The following ZNF112 variants were observed in gnomAD, a reference collection of about 807,000 sequenced individuals.
ZNF112 encodes zinc finger protein 112.
In ZNF112, 37 loss-of-function variants were observed where a neutral mutation model predicts 77.7. That is an observed-to-expected ratio of 0.48 (90% CI 0.37 to 0.63). The LOEUF (loss-of-function observed/expected upper bound fraction) is 0.63, where lower values mean the gene tolerates loss of function less well. Among genes scored for constraint, ZNF112 ranks in the 20% least tolerant of loss-of-function variants. ZNF112 has a pLI of 0.00. For synonymous variants in ZNF112, 333 were observed against 363.6 expected (o/e 0.92, Z 0.96); for missense variants, 950 against 1,077.4 (o/e 0.88, Z 1.66).
At chr19:44,354,696 C>T (rs151067085) in intron 1 of ZNF112, among the ~76,000 whole-genome samples, 3 of 152,240 alleles carry the variant, frequency 2.0e-5, no homozygotes, top group Non-Finnish European at 2.9e-5. Flanking sequence ...CAACCTTGTA[C>T]GATGTGCTGG....
chr19:44,329,039 C>T lies in ZNF112; in HGVS notation c.1118G>A (p.Arg373Lys), dbSNP rs1191701949. ...SHSLDLNSIFRVHTRDEPHEY... is the reference protein window; with the variant it reads ...SHSLDLNSIFKVHTRDEPHEY... Reference sequence around the variant, plus strand: ...ATGGGGTTCATCCCTAGTATGGACCCTAAAAATACTATTAAGGTCTAAGCT... The same window carrying T: ...ATGGGGTTCATCCCTAGTATGGACCTTAAAAATACTATTAAGGTCTAAGCT... Residue 373 changes from arginine to lysine, a missense_variant, in exon 4 of 4, where the codon AGG (arginine) becomes AAG (lysine). This residue lies in a region of ZNF112 where 560 missense variants were observed against 557.3 expected (regional missense o/e 1.00). Transcript: ENST00000354340. 1.2e-6 allele frequency: 2 copies of T among 1,613,722 alleles called. No individual in the cohort carries two copies. The highest frequency in any genetic ancestry group is 1.7e-6 in the Non-Finnish European group (2 of 1,179,964).
chr19:44,338,179 T>C (rs1160059278), intron 2 of ZNF112, among the ~76,000 whole-genome samples: 2 of 152,056 alleles, frequency 1.3e-5, no homozygotes, highest in Non-Finnish European at 2.9e-5. Context: ...ACTATAAACC[T>C]TTAAAAAATT....
chr19:44,352,130 G>A (rs1005845810), intron 1 of ZNF112, among the ~76,000 whole-genome samples: 2 of 152,056 alleles, frequency 1.3e-5, no homozygotes, highest in Non-Finnish European at 2.9e-5. Flanking sequence ...GTTTCTGGGC[G>A]ATGGAACTGT....
At chr19:44,355,882 G>T (rs1970777643) in intron 1 of ZNF112, among the ~76,000 whole-genome samples, 1 of 152,194 alleles carries the variant, frequency 6.6e-6, no homozygotes, top group Non-Finnish European at 1.5e-5. Context: ...GAAAAGAAAG[G>T]ATGATAAGTA....
At chr19:44,359,312 GTTCTTTTTTTT>G (rs1172775517), upstream of ZNF112, among the ~76,000 whole-genome samples, 4 of 101,492 alleles carry the variant, frequency 3.9e-5, no homozygotes, top group African/African-American at 1.6e-4. Context: ...ATATATTAGA[GTTCTTTTTTTT>G]TTTTTTTTTT....
At chr19:44,350,023 A>C (rs1336935609) in intron 1 of ZNF112, among the ~76,000 whole-genome samples, 2 of 152,140 alleles carry the variant, frequency 1.3e-5, no homozygotes, top group East Asian at 3.8e-4. Flanking sequence ...GAACAACCAC[A>C]GGTGAAAATA....
rs748961535 is a variant in ZNF112, at chr19:44,329,169, A to C, written c.988T>G (p.Tyr330Asp). ...GAACAGTGATTGAAGTTCTCACCAT[A>C]TTCACCACATTTGCATGGTTTCTCC... ...TEEKPCKCGE[Y>D]GENFNHCSPL... The change falls in exon 4 of 4, where the codon TAT (tyrosine) becomes GAT (aspartate). Residue 330 changes from tyrosine to aspartate, a missense_variant. Tyr to Asp is a radical substitution (Grantham distance 160). Around this residue, in one of 3 missense-constraint regions of ZNF112, gnomAD observed 560 missense variants for 557.3 expected, o/e 1.00. Transcript: ENST00000354340. The C allele has an allele frequency of 6.2e-7, 1 of 1,613,896 alleles. No individual in the cohort carries two copies. The highest frequency in any genetic ancestry group is 1.1e-5 in the South Asian group (1 of 91,074).
chr19:44,359,223 T>G (rs1970829041), upstream of ZNF112, among the ~76,000 whole-genome samples: 1 of 150,434 alleles, frequency 6.6e-6, no homozygotes, highest in South Asian at 2.2e-4. Context: ...GTAATTCTGG[T>G]CTCTTCACTT....
At chr19:44,336,831 A>C (rs920573822) in intron 2 of ZNF112, 113 bp from the exon 3 acceptor site, 5 of 734,992 alleles carry the variant, frequency 6.8e-6, no homozygotes, top group Admixed American at 2.5e-5. Context: ...CATCCCTTCC[A>C]CCCTGTTACC....
Position 44,327,844 on chromosome 19 carries a change from G to A in ZNF112, c.2313C>T (p.Tyr771=). Residue 771 remains tyrosine, a synonymous_variant, in exon 4 of 4, where the codon TAC becomes TAT. Transcript: ENST00000354340. ...HRRVHTGGKP[Y]KCEVCTKGFS... is the part of the protein sequence containing the mutation. ...AACCCTTTGTACACACCTCACATTT[G>A]TATGGTTTCCCTCCTGTGTGAACCC... 2 of 1,613,942 alleles carry A rather than the reference G, an allele frequency of 1.2e-6. No homozygotes were observed. The highest frequency in any genetic ancestry group is 1.7e-6 in the Non-Finnish European group (2 of 1,179,904).
chr19:44,327,708 G>A lies in ZNF112; in HGVS notation c.2449C>T (p.His817Tyr). Reference sequence around the variant, plus strand: ...TTCTCTCCTGTGTGGACTCTGTGATGGGCTTGAAGACTTGAATACCCACTG... The same window carrying A: ...TTCTCTCCTGTGTGGACTCTGTGATAGGCTTGAAGACTTGAATACCCACTG... ...GFSGYSSLQA[H>Y]HRVHTGEKPY... The change falls in exon 4 of 4, where the codon CAT becomes TAT. Residue 817 changes from histidine to tyrosine, a missense_variant. Transcript: ENST00000354340. The A allele has an allele frequency of 6.2e-7, 1 of 1,613,738 alleles. No individual in the cohort carries two copies. The highest frequency in any genetic ancestry group is 8.5e-7 in the Non-Finnish European group (1 of 1,179,934).
At chr19:44,349,347 A>G (rs2123200937) in intron 1 of ZNF112, among the ~76,000 whole-genome samples, 1 of 151,394 alleles carries the variant, frequency 6.6e-6, no homozygotes, top group Non-Finnish European at 1.5e-5. Flanking sequence ...ACTAATACAC[A>G]CTCTTCAAGC....
intron 1 of ZNF112, among the ~76,000 whole-genome samples, chr19:44,365,607 A>G (rs1438288806): frequency 4.6e-5 from 7 of 152,032 alleles, no homozygotes; most frequent in African/African-American, 1.7e-4. Flanking sequence ...GTAATATTCC[A>G]TGTCATGTAA....
intron 1 of ZNF112, among the ~76,000 whole-genome samples, chr19:44,347,777 T>C (rs1036135820): frequency 7.2e-5 from 11 of 152,104 alleles, no homozygotes; most frequent in African/African-American, 2.7e-4. Flanking sequence ...ATGCATATTT[T>C]AAAGAGTAGA....
At chr19:44,332,971 T>C (rs1970297307) in intron 3 of ZNF112, among the ~76,000 whole-genome samples, 1 of 152,214 alleles carries the variant, frequency 6.6e-6, no homozygotes, top group Admixed American at 6.5e-5. Flanking sequence ...TCAATATCAA[T>C]GGTAGAATGG....
Position 44,356,679 on chromosome 19 carries a change from C to G in ZNF112, c.-57G>C, listed in dbSNP as rs1261875296. Reference sequence around the variant, plus strand: ...TAGCGTACCTGGGGCGGAAGTGGCTCTGCCTACCGAGACCTCCTGGACTAC... The same window carrying G: ...TAGCGTACCTGGGGCGGAAGTGGCTGTGCCTACCGAGACCTCCTGGACTAC... On this transcript the variant is annotated 5_prime_UTR_variant, in exon 1 of 4. Transcript: ENST00000354340. The G allele has an allele frequency of 2.0e-5, 3 of 152,320 alleles. No homozygotes were observed. The highest frequency in any genetic ancestry group is 7.2e-5 in the African/African-American group (3 of 41,464). 9.4% of individuals were successfully genotyped at this position (152,320 alleles called of 1,614,324 possible).
In ZNF112 at chr19:44,340,457, C is replaced by CT. The variant is rs1970468916; in HGVS notation, c.82_83insA (p.Arg28GlnfsTer105). On this transcript the variant is annotated frameshift_variant, in exon 2 of 4. Coordinates refer to ENST00000354340, the MANE Select transcript of ZNF112 (RefSeq NM_013380.4). LOFTEE classifies it high-confidence loss of function. ...CCTGAAGTTCTCCAGCATCACATCTCGGTACAGCTTCCTCTGGACAGAGTC... is the reference window on the plus strand; with the variant it reads ...CCTGAAGTTCTCCAGCATCACATCTCTGGTACAGCTTCCTCTGGACAGAGTC... 6.2e-7 allele frequency: 1 copy of CT among 1,613,970 alleles called. No individual in the cohort carries two copies. Among genetic ancestry groups the CT allele is most frequent in the Non-Finnish European group, 8.5e-7 (1 of 1,179,972 alleles).
intron 1 of ZNF112, among the ~76,000 whole-genome samples, chr19:44,355,953 C>T (rs1210811304): frequency 6.6e-6 from 1 of 152,120 alleles, no homozygotes; most frequent in African/African-American, 2.4e-5. Flanking sequence ...CTCCCTGCAG[C>T]CTTTTTCAAG....
chr19:44,329,342 T>G lies in ZNF112; in HGVS notation c.815A>C (p.Gln272Pro), dbSNP rs1345717461. 2 of 1,613,860 alleles carry G rather than the reference T, an allele frequency of 1.2e-6. No individual in the cohort carries two copies. Among genetic ancestry groups the G allele is most frequent in the Admixed American group, 1.7e-5 (1 of 59,998 alleles). ...SNDSSSEVHQ[Q>P]FHLEGKPYTY... ...ATAGGGCTTCCCTTCCAAGTGGAAC[T>G]GCTGATGAACCTCAGAGCTGGAGTC... Residue 272 changes from glutamine (Q) to proline (P), a missense_variant, in exon 4 of 4, where the codon CAG becomes CCG. Transcript: ENST00000354340.
Sources: gnomAD v4.1 joint callset for allele counts (sites outside exome capture counted in the v4.1 genomes callset) on GRCh38, gnomAD v4.1.1 for gene constraint, gnomAD v4.1.1 regional missense constraint, MANE v1.5 for transcripts, NCBI Gene and HGNC (gene_info 2026-07-23, HGNC 2026-07-21) for gene names.